The following WNK3 variants were observed in gnomAD, a reference collection of about 807,000 sequenced individuals.
WNK3 encodes serine/threonine-protein kinase WNK3.
In WNK3, 18 loss-of-function variants were observed where a neutral mutation model predicts 116.7. The ratio of observed to expected loss-of-function variants is 0.15; its 90% confidence interval spans 0.11 to 0.23. The LOEUF (loss-of-function observed/expected upper bound fraction) is 0.23. WNK3 is among the 10% of genes least tolerant of loss of function. The pLI is 1.00. For missense variants in WNK3, 993 were observed against 1,323.8 expected (o/e 0.75, Z 3.88); for synonymous variants, 404 against 469.4 (o/e 0.86, Z 1.80).
chrX:54,353,325 G>A (rs1045228740), intron 1 of WNK3, among the ~76,000 whole-genome samples: 2 of 111,059 alleles, frequency 1.8e-5, no homozygotes, highest in African/African-American at 6.5e-5. Flanking sequence ...AGGCATGGTG[G>A]TGCATGCCTG....
At chrX:54,225,789 A>G (rs880003383) in intron 22 of WNK3, among the ~76,000 whole-genome samples, 4 of 110,405 alleles carry the variant, frequency 3.6e-5, no homozygotes, top group Admixed American at 9.7e-5. Flanking sequence ...GAAATTGACA[A>G]GCTGATTCTA....
At position 54,270,399 on chromosome X, in the gene WNK3, C is replaced by CT. The variant is rs781794140; in HGVS notation, c.2038-11062dup. Among the ~76,000 whole-genome samples, 362 of 92,739 alleles carry CT rather than the reference C, an allele frequency of 3.9e-3. 4 individuals carry two copies. The highest frequency in any genetic ancestry group is 0.011 in the Middle Eastern group (2 of 175). 80.5% of individuals were successfully genotyped at this position (92,739 alleles called of 115,157 possible). Reference sequence around the variant, plus strand: ...AGGCGTGAGCCACAGCGCCCGGCCTCTTTTTTTTTTTTTTTTTTCTTTGAG... The same window carrying CT: ...AGGCGTGAGCCACAGCGCCCGGCCTCTTTTTTTTTTTTTTTTTTTCTTTGAG... On this transcript the variant is annotated intron_variant, in intron 10 of 23. Transcript: ENST00000354646.
chrX:54,215,316 G>A (rs550034604), intron 22 of WNK3, among the ~76,000 whole-genome samples: 1 of 110,752 alleles, frequency 9.0e-6, no homozygotes, highest in East Asian at 2.9e-4. Flanking sequence ...TCAGCCTGCC[G>A]AGTGCCTGGG....
At chrX:54,339,611 G>A in intron 1 of WNK3, among the ~76,000 whole-genome samples, 1 of 111,196 alleles carries the variant, frequency 9.0e-6, no homozygotes, top group East Asian at 2.8e-4. Context: ...CAATACAGAG[G>A]TTAAGACCAT....
intron 22 of WNK3, among the ~76,000 whole-genome samples, chrX:54,216,798 A>G (rs2067701154): frequency 8.9e-6 from 1 of 112,170 alleles, no homozygotes; most frequent in African/African-American, 3.2e-5. Context: ...CTGACCAATC[A>G]TGGCTCATCA....
intron 1 of WNK3, among the ~76,000 whole-genome samples, chrX:54,355,989 C>T (rs1309486455): frequency 1.8e-5 from 2 of 111,825 alleles, no homozygotes; most frequent in Non-Finnish European, 3.8e-5. Context: ...ACAAGGATTA[C>T]ACTCTTTCCA....
intron 22 of WNK3, among the ~76,000 whole-genome samples, chrX:54,225,223 C>T (rs2067821440): frequency 9.2e-6 from 1 of 108,713 alleles, no homozygotes; most frequent in South Asian, 4.1e-4. Flanking sequence ...TACACTCAAC[C>T]CTGGACAACA....
In WNK3 at chrX:54,228,745, T is replaced by G; in HGVS notation, c.4841-2A>C. The G allele has an allele frequency of 2.1e-6, 1 of 487,136 alleles. No individual in the cohort carries two copies. 40.1% of individuals were successfully genotyped at this position (487,136 alleles called of 1,213,427 possible). A position where few individuals can be genotyped will look rare whatever the true frequency, so the allele number is the denominator to read the frequency against. ...ACTCATTTATAAGGCAGCTTTTCCC[T>G]GATATCAAACCAGAAAAAGATAGTA... On this transcript the variant is annotated splice_acceptor_variant, in intron 21 of 23. Transcript: ENST00000354646. LOFTEE classifies it high-confidence loss of function.
chrX:54,336,642 G>C (rs1557175416), intron 1 of WNK3, among the ~76,000 whole-genome samples: 1 of 111,086 alleles, frequency 9.0e-6, no homozygotes, highest in African/African-American at 3.3e-5. Flanking sequence ...AGGACAGAGA[G>C]GCAGATAGAC....
chrX:54,346,279 CAAAAAAAAAAAAAAA>C (rs150788845), intron 1 of WNK3, among the ~76,000 whole-genome samples: 4 of 30,341 alleles, frequency 1.3e-4, no homozygotes, highest in South Asian at 8.9e-3. Context: ...GCTGATCAGC[CAAAAAAAAAAAAAAA>C]AAAAAAAAAG....
intron 1 of WNK3, among the ~76,000 whole-genome samples, chrX:54,347,473 G>A (rs1364465496): frequency 9.1e-6 from 1 of 109,861 alleles, no homozygotes; most frequent in African/African-American, 3.3e-5. Flanking sequence ...GCAACAGAGC[G>A]AGACTCCATC....
At chrX:54,274,613 C>T (rs1270953259) in intron 10 of WNK3, among the ~76,000 whole-genome samples, 10 of 111,647 alleles carry the variant, frequency 9.0e-5, no homozygotes, top group African/African-American at 3.2e-4. Context: ...TCCATGAAAA[C>T]AAACCCTCTC....
At chrX:54,247,902 T>G (rs1557153009) in intron 17 of WNK3, among the ~76,000 whole-genome samples, 2 of 111,523 alleles carry the variant, frequency 1.8e-5, no homozygotes, top group Non-Finnish European at 3.8e-5. Flanking sequence ...CTTTTGTGAT[T>G]TGAAGGGGCA....
intron 5 of WNK3, among the ~76,000 whole-genome samples, chrX:54,302,765 T>TA (rs2068779605): frequency 1.4e-5 from 1 of 73,290 alleles, no homozygotes; most frequent in Non-Finnish European, 2.6e-5. Flanking sequence ...ATATTTTTTT[T>TA]TTTTTTTTTA....
At chrX:54,340,332 G>A (rs184663800) in intron 1 of WNK3, among the ~76,000 whole-genome samples, 13 of 110,816 alleles carry the variant, frequency 1.2e-4, no homozygotes, top group South Asian at 7.7e-4. Context: ...AATAATGGCC[G>A]GGTGCATTGG....
At chrX:54,309,586 G>A (rs2068863179) in intron 3 of WNK3, among the ~76,000 whole-genome samples, 1 of 111,555 alleles carries the variant, frequency 9.0e-6, no homozygotes, top group Admixed American at 9.6e-5. Flanking sequence ...AGGCTGGAGG[G>A]CAGTGGTGCA....
chrX:54,279,309 T>C (rs1323341314), intron 10 of WNK3, among the ~76,000 whole-genome samples: 2 of 111,014 alleles, frequency 1.8e-5, no homozygotes, highest in African/African-American at 6.5e-5. Flanking sequence ...GCAAAAACTA[T>C]AACATTGCAT....
At chrX:54,267,740 G>A (rs193033724) in intron 10 of WNK3, among the ~76,000 whole-genome samples, 103 of 110,201 alleles carry the variant, frequency 9.3e-4, no homozygotes, top group African/African-American at 3.0e-3. Context: ...AGGTTGCAGT[G>A]AGCCAAGACA....
At chrX:54,259,655 A>C (rs1267554553) in intron 10 of WNK3, among the ~76,000 whole-genome samples, 1 of 111,769 alleles carries the variant, frequency 8.9e-6, no homozygotes, top group Non-Finnish European at 1.9e-5. Context: ...TAGTTGTAAG[A>C]CTACTACTTA....
Sources: allele counts gnomAD v4.1 joint callset (sites outside exome capture counted in the v4.1 genomes callset), GRCh38; gene constraint gnomAD v4.1.1; transcripts MANE v1.5; gene names NCBI Gene and HGNC (gene_info 2026-07-23, HGNC 2026-07-21).